The following MISP variants were observed in gnomAD, a reference collection of about 807,000 sequenced individuals.
MISP encodes mitotic interactor and substrate of PLK1.
In MISP, 51 loss-of-function variants were observed where a neutral mutation model predicts 49.3. The observed-to-expected ratio is 1.03, with a 90% CI of 0.83 to 1.31. The LOEUF is 1.31. MISP is among the 50% of genes most tolerant of loss of function. MISP has a pLI of 0.00. For synonymous variants in MISP, 444 were observed against 392.6 expected, an observed-to-expected ratio of 1.13 and a Z score of -1.55; for missense variants, 1,084 against 935.1, an observed-to-expected ratio of 1.16 and a Z score of -2.08.
intron 2 of MISP, 45 bp from the exon 3 acceptor site, chr19:759,864 G>A (rs75424782): frequency 0.078 from 126,258 of 1,609,400 alleles, 5,620 homozygotes; most frequent in African/African-American, 0.095. Flanking sequence ...CCGAGCAGAG[G>A]TCTGACAAAT....
chr19:750,359 C>T (rs1316062631), upstream of MISP, among the ~76,000 whole-genome samples: 1 of 151,908 alleles, frequency 6.6e-6, no homozygotes, highest in African/African-American at 2.4e-5. Flanking sequence ...GCCACCATAC[C>T]CCGCTAAATT....
intron 1 of MISP, among the ~76,000 whole-genome samples, chr19:754,583 C>T (rs1433828020): frequency 2.6e-5 from 4 of 152,206 alleles, no homozygotes; most frequent in African/African-American, 7.2e-5. Flanking sequence ...GCTGAGATCA[C>T]GCTACCGCAG....
chr19:763,778 C>T lies in MISP; in HGVS notation c.*188C>T, dbSNP rs981065377. ...GGTTTTTCGTTTCCGTTTCTATCTT[C>T]CTTTAGAAATGTTTCTGCCTTTGGG... On this transcript the variant is annotated 3_prime_UTR_variant, in exon 5 of 5. Transcript: ENST00000215582. 2 of 574,258 alleles carry T rather than the reference C, an allele frequency of 3.5e-6. No homozygotes were observed. Among genetic ancestry groups the T allele is most frequent in the Non-Finnish European group, 6.2e-6 (2 of 322,210 alleles). 35.6% of individuals were successfully genotyped at this position (574,258 alleles called of 1,614,324 possible). A position where few individuals can be genotyped will look rare whatever the true frequency, so the allele number is the denominator to read the frequency against.
chr19:751,606 C>T (rs1390157170), intron 1 of MISP, among the ~76,000 whole-genome samples: 1 of 152,026 alleles, frequency 6.6e-6, no homozygotes, highest in South Asian at 2.1e-4. Context: ...CAGTAAACAC[C>T]CCCGTGGGGC....
intron 3 of MISP, 139 bp from the exon 4 acceptor site, chr19:761,486 G>A (rs35510065): frequency 0.11 from 96,531 of 853,658 alleles, 6,981 homozygotes; most frequent in Admixed American, 0.23. Context: ...CGTGGGACAC[G>A]TGTTGAGAAC....
intron 1 of MISP, among the ~76,000 whole-genome samples, chr19:752,916 C>T (rs539112009): frequency 7.2e-5 from 11 of 152,276 alleles, no homozygotes; most frequent in Admixed American, 2.0e-4. Flanking sequence ...GTCTGCATTC[C>T]GCAATGAGCC....
Position 758,398 on chromosome 19 carries a change from A to C in MISP, c.1452A>C (p.Ala484=). Residue 484 remains alanine (A), a synonymous_variant, in exon 2 of 5, where the codon GCA becomes GCC. Transcript: ENST00000215582. ...SGKPLSTKQE[A]SKPPRGCPQA... is the part of the protein sequence containing the mutation. ...AACCCCTGAGCACAAAGCAAGAGGC[A>C]TCGAAGCCCCCTCGGGGATGCCCGC... The C allele has an allele frequency of 6.2e-7, 1 of 1,614,208 alleles. No homozygotes were observed. Among genetic ancestry groups the C allele is most frequent in the African/African-American group, 1.3e-5 (1 of 75,072 alleles).
intron 1 of MISP, among the ~76,000 whole-genome samples, chr19:751,757 G>A (rs745318015): frequency 4.4e-4 from 67 of 152,276 alleles, no homozygotes; most frequent in Non-Finnish European, 7.8e-4. Context: ...GCAGGGACTC[G>A]GCCCAGCGTC....
intron 1 of MISP, among the ~76,000 whole-genome samples, chr19:754,164 A>G (rs2033506979): frequency 6.6e-6 from 1 of 152,106 alleles, no homozygotes; most frequent in Admixed American, 6.5e-5. Context: ...TAACAATACA[A>G]AAATTAGCCG....
chr19:753,232 C>T (rs2033487291), intron 1 of MISP, among the ~76,000 whole-genome samples: 1 of 152,106 alleles, frequency 6.6e-6, no homozygotes, highest in Non-Finnish European at 1.5e-5. Flanking sequence ...TCAATGTTTC[C>T]CCTATTTTAG....
At chr19:754,428 A>C (rs1436627157) in intron 1 of MISP, among the ~76,000 whole-genome samples, 1 of 151,748 alleles carries the variant, frequency 6.6e-6, no homozygotes, top group African/African-American at 2.4e-5. Context: ...GCGCCACTGC[A>C]CTCCAGCCTG....
intron 4 of MISP, among the ~76,000 whole-genome samples, chr19:762,249 G>A (rs958147503): frequency 1.4e-5 from 2 of 145,776 alleles, no homozygotes; most frequent in African/African-American, 5.1e-5. Context: ...ACCGCGCCCG[G>A]CCAAGGCAAT....
At chr19:759,788 G>T in intron 2 of MISP, 121 bp from the exon 3 acceptor site, 1 of 1,159,120 alleles carries the variant, frequency 8.6e-7, no homozygotes, top group Non-Finnish European at 1.2e-6. Context: ...TCAGTTTCCC[G>T]GATAGTCATC....
In MISP at chr19:758,242, G is replaced by A. The variant is rs1409749005; in HGVS notation, c.1296G>A (p.Gly432=). The change falls in exon 2 of 5, where the codon GGG becomes GGA. Residue 432 remains glycine, a synonymous_variant. Coordinates refer to ENST00000215582, the MANE Select transcript of MISP (RefSeq NM_173481.4). The part of the protein sequence containing the change: ...PDAYQPYLSP[G]TPQLEFSAFG... ...CCTACCAGCCGTACCTGAGCCCCGG[G>A]ACCCCCCAGCTAGAATTCTCAGCCT... 6.2e-7 allele frequency: 1 copy of A among 1,613,416 alleles called. No individual in the cohort carries two copies. The highest frequency in any genetic ancestry group is 8.5e-7 in the Non-Finnish European group (1 of 1,180,002).
chr19:753,736 TA>T (rs2033499127), intron 1 of MISP, among the ~76,000 whole-genome samples: 1 of 150,484 alleles, frequency 6.6e-6, no homozygotes, highest in African/African-American at 2.4e-5. Context: ...CAGATCTAAA[TA>T]ATAGCCTTGG....
rs1191996695 is a variant in MISP at position 757,091 on chromosome 19, C to A, written c.145C>A (p.Gln49Lys). Residue 49 changes from glutamine (Q) to lysine (K), a missense_variant, in exon 2 of 5, where the codon CAG (glutamine) becomes AAG (lysine). Gln to Lys is a moderately conservative substitution (Grantham distance 53). Coordinates refer to ENST00000215582, the MANE Select transcript of MISP (RefSeq NM_173481.4). ...EASGWGQDEP[Q>K]TWPTDHRAQQ... ...CAGCGGCTGGGGCCAGGATGAGCCG[C>A]AGACATGGCCCACTGACCACAGGGC... 6.2e-7 allele frequency: 1 copy of A among 1,613,030 alleles called. No homozygotes were observed. Among genetic ancestry groups the A allele is most frequent in the Non-Finnish European group, 8.5e-7 (1 of 1,179,796 alleles).
rs564574540 is a variant in MISP, at chr19:754,919, A to C, written c.-57-1971A>C. ...GAGGGCCTGGTTTGGGTGGAAGAGG[A>C]GGGTCTGGTTTGGGTGGAAGAGGAG... is the stretch of plus-strand genomic sequence containing the variant. On this transcript the variant is annotated intron_variant, in intron 1 of 4. Coordinates refer to ENST00000215582, the MANE Select transcript of MISP (RefSeq NM_173481.4). Among the ~76,000 whole-genome samples, 15 of 125,564 alleles carry C rather than the reference A, an allele frequency of 1.2e-4. No individual in the cohort carries two copies. The East Asian group carries it at 3.4e-3, about 29-fold the overall frequency. The allele number at this position is 125,564 out of a possible 152,430, so 82.4% of individuals were successfully genotyped here. A position where few individuals can be genotyped will look rare whatever the true frequency, so the allele number is the denominator to read the frequency against.
At chr19:761,479 G>C (rs1341925844) in intron 3 of MISP, 146 bp from the exon 4 acceptor site, 2 of 798,082 alleles carry the variant, frequency 2.5e-6, no homozygotes, top group African/African-American at 3.4e-5. Flanking sequence ...GGGTGATCGT[G>C]GGACACGTGT....
At chr19:759,469 G>A (rs183070659) in intron 2 of MISP, among the ~76,000 whole-genome samples, 6 of 145,964 alleles carry the variant, frequency 4.1e-5, no homozygotes, top group East Asian at 2.0e-4. Context: ...GCGCGATCTC[G>A]GCTCACTGCA....
Sources: allele counts gnomAD v4.1 joint callset (sites outside exome capture counted in the v4.1 genomes callset), GRCh38; gene constraint gnomAD v4.1.1; transcripts MANE v1.5; gene names NCBI Gene and HGNC (gene_info 2026-07-23, HGNC 2026-07-21).